CLSTN2: variants seen among roughly 807,000 people sequenced by gnomAD.
CLSTN2 encodes the protein calsyntenin 2.
In CLSTN2, 48 loss-of-function variants were observed where a neutral mutation model predicts 101.2. That is an observed-to-expected ratio of 0.47 (90% CI 0.38 to 0.60). The LOEUF (loss-of-function observed/expected upper bound fraction) is 0.60. CLSTN2 is among the 20% of genes least tolerant of loss of function. CLSTN2 has a pLI of 0.00. For synonymous variants in CLSTN2, 481 were observed against 463.6 expected, an observed-to-expected ratio of 1.04 and a Z score of -0.48; for missense variants, 1,160 against 1,238.2, an observed-to-expected ratio of 0.94 and a Z score of 0.95.
chr3:140,381,285 G>A (rs900113893), intron 2 of CLSTN2, among the ~76,000 whole-genome samples: 1 of 152,100 alleles, frequency 6.6e-6, no homozygotes, highest in African/African-American at 2.4e-5. Context: ...TATTGGATTA[G>A]AGCCCACCCT....
intron 7 of CLSTN2, among the ~76,000 whole-genome samples, chr3:140,463,297 C>T (rs557888968): frequency 9.2e-4 from 140 of 152,330 alleles, no homozygotes; most frequent in African/African-American, 3.2e-3. Flanking sequence ...TCAGTGGCTA[C>T]GTACAGTGCT....
chr3:140,045,492 A>AT (rs1393007830), intron 1 of CLSTN2, among the ~76,000 whole-genome samples: 3 of 151,942 alleles, frequency 2.0e-5, no homozygotes, highest in African/African-American at 7.3e-5. Flanking sequence ...GGATTCATTG[A>AT]TTTTTTGAAG....
At chr3:140,069,717 TTTAGC>T (rs1371072499) in intron 1 of CLSTN2, among the ~76,000 whole-genome samples, 2 of 152,274 alleles carry the variant, frequency 1.3e-5, no homozygotes, top group East Asian at 1.9e-4. Flanking sequence ...TTAAACTTGA[TTTAGC>T]TAGACTCTGA....
At chr3:140,089,588 A>G (rs950520614) in intron 1 of CLSTN2, among the ~76,000 whole-genome samples, 6 of 92,272 alleles carry the variant, frequency 6.5e-5, no homozygotes, top group Non-Finnish European at 1.3e-4. Flanking sequence ...GGTTTTATTT[A>G]TTTATTTATT....
chr3:140,502,167 C>T (rs928705106), intron 8 of CLSTN2, among the ~76,000 whole-genome samples: 1 of 152,214 alleles, frequency 6.6e-6, no homozygotes, highest in Non-Finnish European at 1.5e-5. Flanking sequence ...GGAACCTTCT[C>T]CCAAGTGGGC....
intron 5 of CLSTN2, among the ~76,000 whole-genome samples, chr3:140,431,225 G>A (rs530054837): frequency 2.0e-5 from 3 of 152,226 alleles, no homozygotes; most frequent in South Asian, 4.2e-4. Flanking sequence ...AAGTTATAAC[G>A]TGTTCAAAAA....
intron 2 of CLSTN2, among the ~76,000 whole-genome samples, chr3:140,228,728 G>A (rs1183376990): frequency 1.3e-5 from 2 of 152,204 alleles, no homozygotes; most frequent in Non-Finnish European, 2.9e-5. Context: ...GCAAGGAGGA[G>A]CAAGTCATGT....
chr3:140,437,831 T>G (rs2088703876), intron 5 of CLSTN2, among the ~76,000 whole-genome samples: 1 of 152,242 alleles, frequency 6.6e-6, no homozygotes, highest in South Asian at 2.1e-4. Flanking sequence ...ATAAACTCAG[T>G]AAAAATTTCC....
intron 2 of CLSTN2, among the ~76,000 whole-genome samples, chr3:140,179,957 C>T (rs1367671731): frequency 6.6e-6 from 1 of 152,108 alleles, no homozygotes; most frequent in African/African-American, 2.4e-5. Flanking sequence ...TATGAGTTTG[C>T]AGTTTCATTC....
At chr3:140,497,852 G>A (rs1576599096) in intron 8 of CLSTN2, among the ~76,000 whole-genome samples, 2 of 152,286 alleles carry the variant, frequency 1.3e-5, no homozygotes, top group East Asian at 3.9e-4. Context: ...TGATCTGCAG[G>A]TTGCAAACAT....
At chr3:140,172,190 A>G (rs763130177) in intron 1 of CLSTN2, among the ~76,000 whole-genome samples, 18 of 140,864 alleles carry the variant, frequency 1.3e-4, no homozygotes, top group Non-Finnish European at 2.5e-4. Context: ...AATCTGATGT[A>G]CCTACTCTAT....
At chr3:140,285,991 G>A (rs960368552) in intron 2 of CLSTN2, among the ~76,000 whole-genome samples, 5 of 152,168 alleles carry the variant, frequency 3.3e-5, no homozygotes, top group African/African-American at 1.2e-4. Context: ...GGCCTCTAGG[G>A]TGTTTGTGAC....
At chr3:140,400,711 T>A (rs1207632605) in intron 2 of CLSTN2, among the ~76,000 whole-genome samples, 1 of 151,104 alleles carries the variant, frequency 6.6e-6, no homozygotes, top group African/African-American at 2.4e-5. Flanking sequence ...AAAAAAAAAC[T>A]CAGGACAGAG....
chr3:140,017,118 A>G, intron 1 of CLSTN2, among the ~76,000 whole-genome samples: 1 of 152,120 alleles, frequency 6.6e-6, no homozygotes, highest in East Asian at 1.9e-4. Context: ...TCCTGGTCCC[A>G]TGTAGTTGTG....
At chr3:140,185,531 A>G (rs1248785021) in intron 2 of CLSTN2, among the ~76,000 whole-genome samples, 1 of 152,186 alleles carries the variant, frequency 6.6e-6, no homozygotes, top group Non-Finnish European at 1.5e-5. Flanking sequence ...TTCAAGCCCC[A>G]TGACCCAGCC....
At chr3:140,545,796 G>C (rs1935572672) in intron 9 of CLSTN2, among the ~76,000 whole-genome samples, 2 of 152,212 alleles carry the variant, frequency 1.3e-5, no homozygotes, top group African/African-American at 4.8e-5. Context: ...ACAGCCAGGA[G>C]AGAGTATGAC....
At chr3:140,534,952 A>G (rs978382313) in intron 9 of CLSTN2, among the ~76,000 whole-genome samples, 8 of 152,186 alleles carry the variant, frequency 5.3e-5, no homozygotes, top group Admixed American at 1.3e-4. Context: ...TCCAGGCTCA[A>G]TGTCCAAGCT....
intron 8 of CLSTN2, among the ~76,000 whole-genome samples, chr3:140,516,139 T>C (rs1169073831): frequency 6.6e-6 from 1 of 152,202 alleles, no homozygotes; most frequent in Non-Finnish European, 1.5e-5. Flanking sequence ...TTTTTTCTGA[T>C]ATAAGAATAG....
At position 139,935,698 on chromosome 3, in the gene CLSTN2, C is replaced by A. The variant is rs1935008399; in HGVS notation, c.109+215C>A. Among the ~76,000 whole-genome samples the A allele has an allele frequency of 6.6e-6, 1 of 152,118 alleles. No individual in the cohort carries two copies. Among genetic ancestry groups the A allele is most frequent in the South Asian group, 2.1e-4 (1 of 4,830 alleles). ...CGTCAACTCAACCCCTGGGCGGGGT[C>A]CGGGGGCTGAGCAGAAGGCGAGGTC... On this transcript the variant is annotated intron_variant, in intron 1 of 16. Coordinates refer to ENST00000458420, the MANE Select transcript of CLSTN2 (RefSeq NM_022131.3). The surrounding 1 kb of genome is among the most constrained non-coding windows in gnomAD (Gnocchi z 5.5).
Sources: allele counts gnomAD v4.1 joint callset (sites outside exome capture counted in the v4.1 genomes callset), GRCh38; gene constraint gnomAD v4.1.1; non-coding constraint Gnocchi (gnomAD v3.1); transcripts MANE v1.5; gene names NCBI Gene and HGNC (gene_info 2026-07-23, HGNC 2026-07-21).